JAK2: variants seen among roughly 807,000 people sequenced by gnomAD.
JAK2 encodes the protein tyrosine-protein kinase JAK2.
A neutral mutation model predicts 139.3 loss-of-function variants in JAK2; 86 were observed. The observed-to-expected ratio is 0.62, with a 90% CI of 0.52 to 0.74. The LOEUF is 0.74. JAK2 is among the 30% of genes least tolerant of loss of function. The pLI is 0.00. For synonymous variants in JAK2, 490 were observed against 437.7 expected, an observed-to-expected ratio of 1.12 and a Z score of -1.49; for missense variants, 1,421 against 1,360.3, an observed-to-expected ratio of 1.04 and a Z score of -0.70.
At chr9:5,006,399 A>T (rs180721200) in intron 2 of JAK2, among the ~76,000 whole-genome samples, 8 of 152,144 alleles carry the variant, frequency 5.3e-5, no homozygotes, top group Admixed American at 4.6e-4. Context: ...GGCTGAGACA[A>T]TGGGGTTTTC....
rs181209085 is a variant in JAK2 at position 5,040,248 on chromosome 9, A to C, written c.351-4155A>C. Among the ~76,000 whole-genome samples the C allele has an allele frequency of 4.5e-3, 690 of 152,268 alleles. 3 individuals carry two copies. The highest frequency in any genetic ancestry group is 8.0e-3 in the Non-Finnish European group (541 of 68,028). The stretch of plus-strand genomic sequence containing the variant: ...ACAGTGCGGGGACAACTGGATATCC[A>C]CATGTAAACTAATGAAGTAAGACAA... On this transcript the variant is annotated intron_variant, in intron 4 of 24. Transcript: ENST00000381652.
rs1045712453 is a variant in JAK2 at position 5,126,673 on chromosome 9, C to T, written c.3292-11C>T. On this transcript the variant is annotated splice_polypyrimidine_tract_variant and intron_variant, in intron 24 of 24. Coordinates refer to ENST00000381652, the MANE Select transcript of JAK2 (RefSeq NM_004972.4). ...TGTTCATTTAATTTTGGTTTATTTT[C>T]TCCTTTACAGATCTATATGATCATG... 1 of 1,580,138 alleles carries T rather than the reference C, an allele frequency of 6.3e-7. No individual in the cohort carries two copies. The highest frequency in any genetic ancestry group is 8.6e-7 in the Non-Finnish European group (1 of 1,158,952).
intron 22 of JAK2, chr9:5,108,548 A>G (rs1449679245): frequency 5.3e-5 from 8 of 152,034 alleles, no homozygotes; most frequent in Non-Finnish European, 8.8e-5. Flanking sequence ...AAATAACTCT[A>G]TTCGGACTTC....
At chr9:5,086,143 G>A (rs892394498) in intron 19 of JAK2, 9 of 383,718 alleles carry the variant, frequency 2.3e-5, no homozygotes, top group Non-Finnish European at 2.2e-5. Context: ...CGGCGGCCCC[G>A]CAAGGCTCGG....
chr9:4,986,019 G>A lies in JAK2; in HGVS notation c.-29G>A, dbSNP rs1481366593. Reference sequence around the variant, plus strand: ...AAGAGGCTCTTCCTCCTCCTCCCGCGACGGTGGGTGTGCTGTCCTTTATCG... The same window carrying A: ...AAGAGGCTCTTCCTCCTCCTCCCGCAACGGTGGGTGTGCTGTCCTTTATCG... On this transcript the variant is annotated 5_prime_UTR_variant, in exon 2 of 25. Coordinates refer to ENST00000381652, the MANE Select transcript of JAK2 (RefSeq NM_004972.4). 2 of 152,654 alleles carry A rather than the reference G, an allele frequency of 1.3e-5. No individual in the cohort carries two copies. The highest frequency in any genetic ancestry group is 3.8e-4 in the East Asian group (2 of 5,332). 9.5% of individuals were successfully genotyped at this position (152,654 alleles called of 1,614,324 possible).
intron 22 of JAK2, among the ~76,000 whole-genome samples, chr9:5,093,615 G>T (rs955747966): frequency 6.6e-6 from 1 of 152,058 alleles, no homozygotes; most frequent in Non-Finnish European, 1.5e-5. Context: ...AAAAATTTTG[G>T]TTGGGGTGAC....
chr9:5,045,066 TTGG>T (rs1299266462), intron 5 of JAK2, among the ~76,000 whole-genome samples: 1 of 152,228 alleles, frequency 6.6e-6, no homozygotes, highest in Non-Finnish European at 1.5e-5. Context: ...TTGTATTGTG[TTGG>T]TATTTCATAA....
chr9:5,122,900 T>C, intron 22 of JAK2, 104 bp from the exon 23 acceptor site: 1 of 713,026 alleles, frequency 1.4e-6, no homozygotes, highest in South Asian at 2.5e-5. Flanking sequence ...GATAACTCTT[T>C]TCTCTACATG....
chr9:5,075,812 C>G (rs940968740), intron 14 of JAK2, among the ~76,000 whole-genome samples: 7 of 152,058 alleles, frequency 4.6e-5, no homozygotes, highest in Non-Finnish European at 8.8e-5. Context: ...GGCTAAGCTG[C>G]CATAGATAGT....
At chr9:4,986,472 T>C (rs1437949746) in intron 2 of JAK2, among the ~76,000 whole-genome samples, 1 of 152,362 alleles carries the variant, frequency 6.6e-6, no homozygotes, top group East Asian at 1.9e-4. Flanking sequence ...TTACCCAGTT[T>C]GTTTTCCAGT....
In JAK2 at chr9:5,128,883, GGGTAAA is replaced by G. The variant is rs1175806472; in HGVS notation, c.*2097_*2102del. 6.6e-6 allele frequency among the ~76,000 whole-genome samples: 1 copy of G among 151,932 alleles called. No individual in the cohort carries two copies. On this transcript the variant is annotated 3_prime_UTR_variant, in exon 25 of 25. Transcript: ENST00000381652. Reference sequence around the variant, plus strand: ...TCACGTTAATATTCTTCAGAAACAAGGGTAAAGGTATTCTTAGAATTATGTAATTCT... The same window carrying G: ...TCACGTTAATATTCTTCAGAAACAAGGGTATTCTTAGAATTATGTAATTCT...
intron 22 of JAK2, chr9:5,091,713 G>A (rs1820587484): frequency 6.6e-6 from 1 of 152,282 alleles, no homozygotes; most frequent in Middle Eastern, 3.4e-3. Flanking sequence ...TAGTCAAACT[G>A]GGTCTAGTAG....
intron 2 of JAK2, among the ~76,000 whole-genome samples, chr9:5,003,478 A>G (rs1490182530): frequency 1.3e-5 from 2 of 151,978 alleles, no homozygotes; most frequent in African/African-American, 2.4e-5. Flanking sequence ...TTTTGTTACT[A>G]TTGTAAATGA....
intron 4 of JAK2, among the ~76,000 whole-genome samples, chr9:5,043,810 C>G (rs1816795160): frequency 6.6e-6 from 1 of 152,164 alleles, no homozygotes; most frequent in Non-Finnish European, 1.5e-5. Flanking sequence ...GTGGATGAAC[C>G]TTGAAAACAT....
intron 23 of JAK2, among the ~76,000 whole-genome samples, chr9:5,124,700 A>G (rs1178490995): frequency 6.6e-6 from 1 of 151,778 alleles, no homozygotes; most frequent in African/African-American, 2.4e-5. Context: ...GTACTCATAT[A>G]AAAAACAAAC....
chr9:5,078,663 AAC>A (rs935921621), intron 16 of JAK2, among the ~76,000 whole-genome samples: 14 of 152,278 alleles, frequency 9.2e-5, no homozygotes, highest in Admixed American at 2.0e-4. Context: ...ATTTTTTAAA[AAC>A]AGTTTTAATC....
At chr9:5,013,764 G>C (rs947108703) in intron 2 of JAK2, among the ~76,000 whole-genome samples, 4 of 151,912 alleles carry the variant, frequency 2.6e-5, no homozygotes, top group African/African-American at 7.3e-5. Flanking sequence ...TTGTCATTTT[G>C]TAGCACTTAA....
intron 5 of JAK2, among the ~76,000 whole-genome samples, chr9:5,046,038 C>G (rs1018028519): frequency 6.6e-5 from 10 of 152,162 alleles, no homozygotes; most frequent in Middle Eastern, 3.2e-3. Flanking sequence ...TCAACATCCT[C>G]AACAATGCTT....
chr9:5,120,634 A>C (rs891453307), intron 22 of JAK2, among the ~76,000 whole-genome samples: 1 of 152,174 alleles, frequency 6.6e-6, no homozygotes, highest in Non-Finnish European at 1.5e-5. Context: ...AGAAGTACCC[A>C]TTGGATGATC....
Sources: allele counts gnomAD v4.1 joint callset (sites outside exome capture counted in the v4.1 genomes callset), GRCh38; gene constraint gnomAD v4.1.1; transcripts MANE v1.5; gene names NCBI Gene and HGNC (gene_info 2026-07-23, HGNC 2026-07-21).